The following C2orf78 variants were observed in gnomAD, a reference collection of about 807,000 sequenced individuals.
C2orf78 encodes the protein chromosome 2 open reading frame 78.
A neutral mutation model predicts 21.4 loss-of-function variants in C2orf78; 12 were observed. The observed-to-expected ratio is 0.56, with a 90% CI of 0.36 to 0.91. The LOEUF is 0.91. C2orf78 is among the 40% of genes least tolerant of loss of function. The pLI is 0.01. For missense variants in C2orf78, 1,042 were observed against 1,092.4 expected (o/e 0.95, Z 0.65); for synonymous variants, 396 against 413.9 (o/e 0.96, Z 0.52).
chr2:73,806,972 G>T (rs1303850005), intron 1 of C2orf78, among the ~76,000 whole-genome samples: 2 of 139,748 alleles, frequency 1.4e-5, no homozygotes, highest in Non-Finnish European at 3.0e-5. Context: ...AGATCCCAAG[G>T]TCAGGAGACC....
rs1053513617 is a variant in C2orf78 at position 73,808,789 on chromosome 2, C to T, written c.98-4688C>T. ...GTGACCAGTAACCAGTGACCAGTGG[C>T]CTTCATACTGGACACATGCACTGGT... On this transcript the variant is annotated intron_variant, in intron 1 of 2. Transcript: ENST00000409561. 6.3e-6 allele frequency: 9 copies of T among 1,437,888 alleles called. 1 individual carries two copies. Among genetic ancestry groups the T allele is most frequent in the East Asian group, 2.5e-5 (1 of 40,184 alleles). 89.1% of individuals were successfully genotyped at this position (1,437,888 alleles called of 1,614,324 possible).
chr2:73,816,507 T>A lies in C2orf78; in HGVS notation c.2284T>A (p.Ser762Thr), dbSNP rs1223545183. The A allele has an allele frequency of 3.7e-6, 6 of 1,613,784 alleles. No homozygotes were observed. The Admixed American group carries it at 6.7e-5, about 18-fold the overall frequency. ...ACCTGATTCTACTAACTCAGCTCAA[T>A]CGAATGCAGTCAATCCATCCCGACC... is the stretch of plus-strand genomic sequence containing the variant. Residue 762 changes from serine (S) to threonine (T), a missense_variant, in exon 3 of 3, where the codon TCG (serine) becomes ACG (threonine). By Grantham distance (58) the Ser-to-Thr change is moderately conservative. Coordinates refer to ENST00000409561, the Ensembl canonical transcript of C2orf78.
chr2:73,813,590 T>A (rs1282459324), exon 2 of C2orf78: 1 of 1,613,928 alleles, frequency 6.2e-7, no homozygotes, highest in African/African-American at 1.3e-5. Context: ...CTCCAGAGCC[T>A]CTGCTCCAGC....
At chr2:73,814,355 C>T (rs1673150530) in intron 2 of C2orf78, 129 bp downstream of exon 2, 4 of 1,032,140 alleles carry the variant, frequency 3.9e-6, no homozygotes, top group Non-Finnish European at 5.6e-6. Flanking sequence ...TATTCTTTGG[C>T]AGTGCTCTCC....
chr2:73,814,794 C>T (rs1318630307), intron 2 of C2orf78, among the ~76,000 whole-genome samples: 2 of 152,190 alleles, frequency 1.3e-5, no homozygotes, highest in Admixed American at 1.3e-4. Context: ...GAATGTGAGG[C>T]TGTATAAAAC....
Position 73,815,996 on chromosome 2 carries a change from GA to G in C2orf78, c.1779del (p.Val594SerfsTer3), listed in dbSNP as rs1558543371. On this transcript the variant is annotated frameshift_variant, in exon 3 of 3. Transcript: ENST00000409561. LOFTEE classifies it low-confidence loss of function (END_TRUNC). ...AATCTGAAGAGAGTAAGCAGTCAGGGAAAAAAGTCAAGGTAGAAGAGAAGCA... is the reference window on the plus strand; with the variant it reads ...AATCTGAAGAGAGTAAGCAGTCAGGGAAAAAGTCAAGGTAGAAGAGAAGCA... 6.2e-7 allele frequency: 1 copy of G among 1,613,902 alleles called. No individual in the cohort carries two copies. The highest frequency in any genetic ancestry group is 8.5e-7 in the Non-Finnish European group (1 of 1,179,846).
Position 73,784,197 on chromosome 2 carries a change from C to A in C2orf78, c.-113C>A, listed in dbSNP as rs544376139. 31 of 1,503,100 alleles carry A rather than the reference C, an allele frequency of 2.1e-5. No individual in the cohort carries two copies. The South Asian group carries it at 3.1e-4, about 15-fold the overall frequency. The allele number at this position is 1,503,100 out of a possible 1,614,324, so 93.1% of individuals were successfully genotyped here. ...TTTGTGACATCATTCTCCCACCAAA[C>A]CGACCACCACCTGGTAGCATCTTGG... On this transcript the variant is annotated 5_prime_UTR_variant, in exon 1 of 3. Transcript: ENST00000409561.
intron 1 of C2orf78, among the ~76,000 whole-genome samples, chr2:73,786,327 C>G (rs1311216334): frequency 6.6e-6 from 1 of 150,738 alleles, no homozygotes; most frequent in African/African-American, 2.5e-5. Flanking sequence ...TGCAGTGAGC[C>G]GAGATCGTGC....
intron 1 of C2orf78, among the ~76,000 whole-genome samples, chr2:73,813,027 T>C (rs1038583706): frequency 1.3e-5 from 2 of 152,232 alleles, no homozygotes; most frequent in Admixed American, 6.5e-5. Flanking sequence ...TTCTGTAACC[T>C]GGTAATGATA....
chr2:73,816,164 A>G, exon 3 of C2orf78: 1 of 1,613,862 alleles, frequency 6.2e-7, no homozygotes, highest in Non-Finnish European at 8.5e-7. Flanking sequence ...TCGATATGAA[A>G]ACTGGATTCT....
chr2:73,807,469 A>G (rs1672979064), intron 1 of C2orf78, among the ~76,000 whole-genome samples: 1 of 11,692 alleles, frequency 8.6e-5, no homozygotes, highest in Admixed American at 7.0e-4. Flanking sequence ...AGAAAGAAAG[A>G]AAGTATCCTG....
exon 3 of C2orf78, chr2:73,815,454 C>T (rs201785377): frequency 3.7e-4 from 591 of 1,613,760 alleles, no homozygotes; most frequent in Non-Finnish European, 4.8e-4. Flanking sequence ...AGAGGAGCAG[C>T]CTGGTTCTGA....
At chr2:73,809,126 T>C (rs1020212154) in intron 1 of C2orf78, among the ~76,000 whole-genome samples, 1 of 152,176 alleles carries the variant, frequency 6.6e-6, no homozygotes, top group African/African-American at 2.4e-5. Flanking sequence ...TACACTAGGA[T>C]AATAGACTGG....
exon 1 of C2orf78, chr2:73,784,406 G>A: frequency 4.1e-6 from 4 of 980,880 alleles, no homozygotes; most frequent in Non-Finnish European, 4.5e-6. Flanking sequence ...GACCATGTCA[G>A]GTAAAGAGAG....
Position 73,808,027 on chromosome 2 carries a change from G to A in C2orf78, c.98-5450G>A, listed in dbSNP as rs559753503. 7.9e-5 allele frequency among the ~76,000 whole-genome samples: 12 copies of A among 151,184 alleles called. No homozygotes were observed. The East Asian group carries it at 9.6e-4, about 12-fold the overall frequency. ...TCCCAGCACTTTGGGAGGCTGAGGC[G>A]AGCAGATCACAAGGTCAGGTGATCG... On this transcript the variant is annotated intron_variant, in intron 1 of 2. Coordinates refer to ENST00000409561, the Ensembl canonical transcript of C2orf78.
chr2:73,810,250 G>T (rs1332273312), intron 1 of C2orf78, among the ~76,000 whole-genome samples: 1 of 151,966 alleles, frequency 6.6e-6, no homozygotes, highest in Admixed American at 6.6e-5. Flanking sequence ...TGCTTTAGAG[G>T]CCGGGCAGGA....
intron 1 of C2orf78, among the ~76,000 whole-genome samples, chr2:73,810,512 A>G (rs1195697030): frequency 1.4e-5 from 2 of 145,632 alleles, no homozygotes; most frequent in Non-Finnish European, 3.0e-5. Flanking sequence ...GGGCAACAAG[A>G]GCGAAACTCT....
In C2orf78 at chr2:73,786,313, A is replaced by T. The variant is rs548837024; in HGVS notation, c.97+1907A>T. The stretch of plus-strand genomic sequence containing the variant: ...AGAATTGCTTGAACCAGGGAGGCGC[A>T]TGATGCAGTGAGCCGAGATCGTGCC... On this transcript the variant is annotated intron_variant, in intron 1 of 2. Transcript: ENST00000409561. Among the ~76,000 whole-genome samples the T allele has an allele frequency of 1.2e-3, 177 of 151,448 alleles. 4 individuals carry two copies. The highest frequency in any genetic ancestry group is 3.6e-3 in the African/African-American group (150 of 41,174).
At chr2:73,816,858 C>T (rs369360208) in exon 3 of C2orf78, 24 of 1,613,958 alleles carry the variant, frequency 1.5e-5, no homozygotes, top group South Asian at 5.5e-5. Context: ...GAGGCCAGAG[C>T]GTGAGGCCAT....
Sources: allele counts gnomAD v4.1 joint callset (sites outside exome capture counted in the v4.1 genomes callset), GRCh38; gene constraint gnomAD v4.1.1; transcripts MANE v1.5; gene names NCBI Gene and HGNC (gene_info 2026-07-23, HGNC 2026-07-21).